DENND1A: variants seen among roughly 807,000 people sequenced by gnomAD.
DENND1A encodes DENN domain containing 1A.
In DENND1A, 51 loss-of-function variants were observed where a neutral mutation model predicts 113.7. The ratio of observed to expected loss-of-function variants is 0.45; its 90% CI spans 0.36 to 0.57. The LOEUF (loss-of-function observed/expected upper bound fraction) is 0.57, where lower values mean the gene tolerates loss of function less well. Ranked by LOEUF, DENND1A falls within the 20% of genes least tolerant of loss-of-function variation. DENND1A has a pLI of 0.00. For missense variants in DENND1A, 1,258 were observed against 1,395.9 expected (o/e 0.90, Z 1.57); for synonymous variants, 565 against 570.8 (o/e 0.99, Z 0.14).
intron 8 of DENND1A, among the ~76,000 whole-genome samples, chr9:123,660,083 G>A (rs1402470816): frequency 1.3e-5 from 2 of 152,124 alleles, no homozygotes; most frequent in African/African-American, 2.4e-5. Context: ...GGTACAACAG[G>A]AACAAAAGCT....
intron 5 of DENND1A, among the ~76,000 whole-genome samples, chr9:123,703,957 G>A (rs1160190892): frequency 6.6e-6 from 1 of 151,872 alleles, no homozygotes; most frequent in Non-Finnish European, 1.5e-5. Context: ...TTTAGTGTAT[G>A]TAAATATATA....
intron 1 of DENND1A, among the ~76,000 whole-genome samples, chr9:123,892,228 C>A (rs892817074): frequency 3.9e-5 from 6 of 152,140 alleles, no homozygotes; most frequent in Admixed American, 2.0e-4. Flanking sequence ...AGAAATAATG[C>A]CTATTCCCCC....
rs1192701669 is a variant in DENND1A at position 123,566,508 on chromosome 9, G to A, written c.868-8813C>T. Among the ~76,000 whole-genome samples the A allele has an allele frequency of 2.6e-5, 4 of 152,136 alleles. 1 individual carries two copies. The highest frequency in any genetic ancestry group is 1.3e-4 in the Admixed American group (2 of 15,280). ...GTTAGTGGCAAGAGTTAGAATTCCA[G>A]GCAGCTTTTTGTCAGACAAAAGCAT... On this transcript the variant is annotated intron_variant, in intron 12 of 23. Transcript: ENST00000394215.
At chr9:123,421,302 C>T (rs1021187487) in intron 19 of DENND1A, among the ~76,000 whole-genome samples, 5 of 151,996 alleles carry the variant, frequency 3.3e-5, no homozygotes, top group Non-Finnish European at 5.9e-5. Flanking sequence ...GAGGCCATGT[C>T]ACTCAGTGAC....
intron 13 of DENND1A, among the ~76,000 whole-genome samples, chr9:123,479,318 A>T (rs950686569): frequency 5.9e-5 from 9 of 152,146 alleles, no homozygotes; most frequent in Non-Finnish European, 1.3e-4. Context: ...CTACAAGGAA[A>T]CTGACATCCC....
In DENND1A at chr9:123,429,223, A is replaced by T. The variant is rs2045958569; in HGVS notation, c.1488+11137T>A. On this transcript the variant is annotated intron_variant, in intron 19 of 23. Coordinates refer to ENST00000394215, the MANE Select transcript of DENND1A (RefSeq NM_001352964.2). ...CAATGGAACAGAATATAACCTCAGAAATAAAACTGCACACCTACAACCATC... is the reference window on the plus strand; with the variant it reads ...CAATGGAACAGAATATAACCTCAGATATAAAACTGCACACCTACAACCATC... Among the ~76,000 whole-genome samples, 4 of 152,274 alleles carry T rather than the reference A, an allele frequency of 2.6e-5. No homozygotes were observed. In the South Asian group the frequency reaches 8.3e-4, roughly 32 times the overall value.
chr9:123,637,067 C>G (rs1358819525), intron 9 of DENND1A, among the ~76,000 whole-genome samples: 1 of 152,148 alleles, frequency 6.6e-6, no homozygotes, highest in South Asian at 2.1e-4. Flanking sequence ...ATTAAGATTC[C>G]AAGCTCTAAA....
chr9:123,679,557 C>T (rs977560293), intron 5 of DENND1A, among the ~76,000 whole-genome samples: 1 of 152,226 alleles, frequency 6.6e-6, no homozygotes, highest in African/African-American at 2.4e-5. Flanking sequence ...GTCCCCTGTA[C>T]ACTCACAGAT....
chr9:123,696,034 G>A (rs997680640), intron 5 of DENND1A, among the ~76,000 whole-genome samples: 6 of 150,218 alleles, frequency 4.0e-5, no homozygotes, highest in Admixed American at 6.6e-5. Context: ...GTCTGGGTCC[G>A]GAGTATAAAA....
intron 1 of DENND1A, among the ~76,000 whole-genome samples, chr9:123,892,645 G>A (rs1437745549): frequency 1.3e-5 from 2 of 152,194 alleles, no homozygotes; most frequent in African/African-American, 4.8e-5. Flanking sequence ...GACAGGTGCA[G>A]CAAACCACCA....
intron 13 of DENND1A, among the ~76,000 whole-genome samples, 197 bp from the exon 14 acceptor site, chr9:123,458,094 G>A (rs2048275762): frequency 6.7e-6 from 1 of 148,346 alleles, no homozygotes. Flanking sequence ...TCTGCCTCCC[G>A]AGTTCAAGCG....
At chr9:123,820,588 C>G (rs1053356049) in intron 2 of DENND1A, among the ~76,000 whole-genome samples, 1 of 152,178 alleles carries the variant, frequency 6.6e-6, no homozygotes, top group African/African-American at 2.4e-5. Context: ...CAAGGTAGCC[C>G]AGCCAATCCA....
chr9:123,914,558 A>AG (rs1482713383), intron 1 of DENND1A, among the ~76,000 whole-genome samples: 7 of 151,436 alleles, frequency 4.6e-5, no homozygotes, highest in Non-Finnish European at 1.0e-4. Flanking sequence ...AAAAAAAAAA[A>AG]AAAAAGAAAT....
chr9:123,790,781 A>T lies in DENND1A; in HGVS notation c.132+1806T>A, dbSNP rs1832878916. Among the ~76,000 whole-genome samples, 4 of 152,290 alleles carry T rather than the reference A, an allele frequency of 2.6e-5. No homozygotes were observed. The South Asian group carries it at 8.3e-4, about 32-fold the overall frequency. On this transcript the variant is annotated intron_variant, in intron 3 of 23. Transcript: ENST00000394215. ...TCTCTCAGTACACACATATGCAAGA[A>T]TAGTACATGTGTATGCATATACGTA...
intron 5 of DENND1A, among the ~76,000 whole-genome samples, chr9:123,729,368 G>A (rs572063175): frequency 1.5e-4 from 23 of 152,240 alleles, no homozygotes; most frequent in Non-Finnish European, 2.6e-4. Flanking sequence ...AAATCACATC[G>A]TCTCAGCTCA....
intron 5 of DENND1A, among the ~76,000 whole-genome samples, chr9:123,697,078 CA>C (rs927451732): frequency 1.7e-4 from 26 of 152,126 alleles, no homozygotes; most frequent in Non-Finnish European, 1.0e-4. Flanking sequence ...GAGTAATCCC[CA>C]AATTCTAACA....
chr9:123,534,666 C>T (rs1233692627), intron 13 of DENND1A, among the ~76,000 whole-genome samples: 1 of 152,170 alleles, frequency 6.6e-6, no homozygotes, highest in African/African-American at 2.4e-5. Context: ...CCGATTTTTG[C>T]TAATTGAATG....
At chr9:123,758,987 G>C (rs974565809) in intron 4 of DENND1A, among the ~76,000 whole-genome samples, 15 of 152,186 alleles carry the variant, frequency 9.9e-5, no homozygotes, top group Admixed American at 3.3e-4. Flanking sequence ...ATTTTTAGTA[G>C]AGACGGGGTT....
At chr9:123,436,699 T>C (rs1588519698) in intron 19 of DENND1A, among the ~76,000 whole-genome samples, 2 of 152,184 alleles carry the variant, frequency 1.3e-5, no homozygotes, top group South Asian at 4.1e-4. Flanking sequence ...GCCTAACATA[T>C]GTCTGCTTTA....
Sources: allele counts gnomAD v4.1 joint callset (sites outside exome capture counted in the v4.1 genomes callset), GRCh38; gene constraint gnomAD v4.1.1; transcripts MANE v1.5; gene names NCBI Gene and HGNC (gene_info 2026-07-23, HGNC 2026-07-21).